The following WIPI1 variants were observed in gnomAD, a reference collection of about 807,000 sequenced individuals.
The protein encoded by WIPI1 is WD repeat domain phosphoinositide-interacting protein 1.
A neutral mutation model predicts 55.3 loss-of-function variants in WIPI1; 45 were observed. That is an observed-to-expected ratio of 0.81 (90% CI 0.64 to 1.04). The LOEUF (loss-of-function observed/expected upper bound fraction) is 1.04, where lower values mean the gene tolerates loss of function less well. Among genes scored for constraint, WIPI1 ranks in the 50% least tolerant of loss-of-function variants. The pLI is 0.00. For synonymous variants in WIPI1, 195 were observed against 217.6 expected (o/e 0.90, Z 0.92); for missense variants, 445 against 559.0 (o/e 0.80, Z 2.06).
At position 68,444,608 on chromosome 17, in the gene WIPI1, A is replaced by G. The variant is rs112324848; in HGVS notation, c.334-19T>C. On this transcript the variant is annotated intron_variant, in intron 3 of 12. Coordinates refer to ENST00000262139, the MANE Select transcript of WIPI1 (RefSeq NM_017983.7). ...GCAGCCTCTGTAATCACACAGACTT[A>G]TCAGTCTACCGAACCGTTCCTTACA... 55 of 1,603,934 alleles carry G rather than the reference A, an allele frequency of 3.4e-5. 1 individual carries two copies. The African/African-American group carries it at 4.2e-4, about 12-fold the overall frequency.
Position 68,424,342 on chromosome 17 carries a change from T to C in WIPI1, c.1293+1733A>G, listed in dbSNP as rs116218906. The C allele has an allele frequency of 3.6e-3, 1,733 of 484,260 alleles. 28 individuals are homozygous for C. The highest frequency in any genetic ancestry group is 0.031 in the African/African-American group (1,582 of 50,634). The allele number at this position is 484,260 out of a possible 1,614,324, so 30.0% of individuals were successfully genotyped here. ...AATCACAAAACAACAGCCCCAGCCCTGCATGCAGGGCCCCACCGCAGCTTT... is the reference window on the plus strand; with the variant it reads ...AATCACAAAACAACAGCCCCAGCCCCGCATGCAGGGCCCCACCGCAGCTTT... On this transcript the variant is annotated intron_variant, in intron 12 of 12. Transcript: ENST00000262139.
At chr17:68,427,739 T>C (rs1436224597) in intron 10 of WIPI1, among the ~76,000 whole-genome samples, 1 of 152,192 alleles carries the variant, frequency 6.6e-6, no homozygotes, top group Non-Finnish European at 1.5e-5. Context: ...TAGACAAAGA[T>C]TAGTCCTCTG....
intron 3 of WIPI1, among the ~76,000 whole-genome samples, chr17:68,446,180 T>G (rs1166093632): frequency 1.3e-5 from 2 of 152,016 alleles, no homozygotes; most frequent in Non-Finnish European, 2.9e-5. Context: ...TTAAACACAT[T>G]TCTCAATTTT....
At chr17:68,454,003 CAT>C (rs1225240649) in intron 1 of WIPI1, among the ~76,000 whole-genome samples, 1 of 152,186 alleles carries the variant, frequency 6.6e-6, no homozygotes, top group Non-Finnish European at 1.5e-5. Flanking sequence ...ACAAAGCAAT[CAT>C]CACAACCAAC....
chr17:68,425,919 T>C, intron 12 of WIPI1, 156 bp downstream of exon 12: 1 of 644,558 alleles, frequency 1.6e-6, no homozygotes, highest in Non-Finnish European at 2.7e-6. Flanking sequence ...AAGCACACAG[T>C]ACAACAAATA....
chr17:68,457,338 T>C lies in WIPI1; in HGVS notation c.80+4A>G. 6.5e-7 allele frequency: 1 copy of C among 1,546,108 alleles called. No individual in the cohort carries two copies. The highest frequency in any genetic ancestry group is 8.7e-7 in the Non-Finnish European group (1 of 1,145,394). ...TCCCTGGCAGGGGCCGAGTCGCAGC[T>C]TACGTGCAGTCCTGGTTGAAAGAGA... is the stretch of plus-strand genomic sequence containing the variant. On this transcript the variant is annotated splice_donor_region_variant and intron_variant, in intron 1 of 12. Transcript: ENST00000262139.
chr17:68,428,606 TTG>T (rs2083361588), intron 10 of WIPI1: 1 of 489,434 alleles, frequency 2.0e-6, no homozygotes, highest in African/African-American at 2.0e-5. Flanking sequence ...GGAGACCATC[TTG>T]TGTGTTATTA....
intron 4 of WIPI1, among the ~76,000 whole-genome samples, chr17:68,439,754 C>T (rs527979360): frequency 1.3e-5 from 2 of 152,250 alleles, no homozygotes; most frequent in East Asian, 1.9e-4. Context: ...AAACTCTGGC[C>T]GAGTTATTTG....
intron 8 of WIPI1, among the ~76,000 whole-genome samples, chr17:68,432,573 T>C (rs1340344647): frequency 6.6e-6 from 1 of 152,030 alleles, no homozygotes; most frequent in African/African-American, 2.4e-5. Context: ...CCGGCCTCTG[T>C]CATGTATGTG....
intron 6 of WIPI1, 110 bp from the exon 7 acceptor site, chr17:68,434,736 G>T: frequency 2.8e-6 from 3 of 1,069,194 alleles, no homozygotes; most frequent in Non-Finnish European, 4.1e-6. Context: ...CTCTGAGGAG[G>T]AAGAACACCA....
chr17:68,453,120 C>A, intron 1 of WIPI1, 128 bp from the exon 2 acceptor site: 1 of 644,492 alleles, frequency 1.6e-6, no homozygotes, highest in Non-Finnish European at 2.7e-6. Flanking sequence ...AGCTTAGATC[C>A]TTGGTAACTT....
intron 10 of WIPI1, 68 bp downstream of exon 10, chr17:68,428,761 C>T (rs2083369396): frequency 1.6e-6 from 2 of 1,265,370 alleles, no homozygotes; most frequent in Non-Finnish European, 2.3e-6. Context: ...GCTTGTCGTT[C>T]TTGGCGAAGG....
At chr17:68,438,724 C>A (rs1485558918) in intron 4 of WIPI1, among the ~76,000 whole-genome samples, 1 of 152,192 alleles carries the variant, frequency 6.6e-6, no homozygotes, top group Admixed American at 6.5e-5. Context: ...TCTCAGCCTG[C>A]CAAGTAGCTG....
At chr17:68,430,194 G>A in intron 8 of WIPI1, 34 bp from the exon 9 acceptor site, 1 of 1,582,526 alleles carries the variant, frequency 6.3e-7, no homozygotes. Flanking sequence ...GATGGGACTG[G>A]GCTGCAGGCC....
intron 9 of WIPI1, 24 bp downstream of exon 9, chr17:68,429,972 C>T (rs554127956): frequency 1.2e-6 from 2 of 1,613,350 alleles, no homozygotes; most frequent in East Asian, 4.5e-5. Context: ...TGGTCTTGTT[C>T]AGAGTGGGTG....
intron 10 of WIPI1, 45 bp from the exon 11 acceptor site, chr17:68,427,298 C>T (rs201909131): frequency 6.9e-7 from 1 of 1,440,986 alleles, no homozygotes; most frequent in East Asian, 2.3e-5. Context: ...AAGAAATCAT[C>T]ATATATCTAG....
rs769336214 is a variant in WIPI1 at position 68,457,305 on chromosome 17, C to T, written c.80+37G>A. 7 of 1,538,042 alleles carry T rather than the reference C, an allele frequency of 4.6e-6. No individual in the cohort carries two copies. In the South Asian group the frequency reaches 6.0e-5, roughly 13 times the overall value. On this transcript the variant is annotated intron_variant, in intron 1 of 12. Coordinates refer to ENST00000262139, the MANE Select transcript of WIPI1 (RefSeq NM_017983.7). ...ACACCCCTGGGTCCTGACACTCTGT[C>T]CCCCACCTCCCTGGCAGGGGCCGAG...
rs373854174 is a variant in WIPI1, at chr17:68,434,640, C to T, written c.622-14G>A. On this transcript the variant is annotated splice_polypyrimidine_tract_variant and intron_variant, in intron 6 of 12. Transcript: ENST00000262139. ...GATGACTGTGCCCTGGAAAAGAAAG[C>T]AGGTGGACATTTCATAACCATTAGT... 1 of 1,613,624 alleles carries T rather than the reference C, an allele frequency of 6.2e-7. No homozygotes were observed. Among genetic ancestry groups the T allele is most frequent in the East Asian group, 2.2e-5 (1 of 44,864 alleles).
At chr17:68,446,909 A>G (rs1336862687) in intron 3 of WIPI1, among the ~76,000 whole-genome samples, 1 of 152,178 alleles carries the variant, frequency 6.6e-6, no homozygotes, top group East Asian at 1.9e-4. Context: ...CGCAGAGGGA[A>G]ACAGAGAGAA....
Sources: gnomAD v4.1 joint callset for allele counts (sites outside exome capture counted in the v4.1 genomes callset) on GRCh38, gnomAD v4.1.1 for gene constraint, MANE v1.5 for transcripts, NCBI Gene and HGNC (gene_info 2026-07-23, HGNC 2026-07-21) for gene names.